CORO2B: variants seen among roughly 807,000 people sequenced by gnomAD.
The protein encoded by CORO2B is coronin-2B.
Under a neutral mutation model 58.8 loss-of-function variants are expected in CORO2B, and 26 were observed. That is an observed-to-expected ratio of 0.44 (90% CI 0.32 to 0.61). The LOEUF (loss-of-function observed/expected upper bound fraction) is 0.61, where lower values mean the gene tolerates loss of function less well. CORO2B is among the 20% of genes least tolerant of loss of function. The pLI, the probability that CORO2B is intolerant of heterozygous loss-of-function variation, is 0.04. For missense variants in CORO2B, 460 were observed against 645.1 expected, an observed-to-expected ratio of 0.71 and a Z score of 3.11; for synonymous variants, 242 against 253.8, an observed-to-expected ratio of 0.95 and a Z score of 0.44.
intron 11 of CORO2B, among the ~76,000 whole-genome samples, chr15:68,724,724 G>T (rs1305159780): frequency 6.6e-6 from 1 of 152,020 alleles, no homozygotes; most frequent in Non-Finnish European, 1.5e-5. Context: ...ATTAAATTAT[G>T]CAATTACAAT....
At chr15:68,633,012 CCAT>C (rs1268596953) in intron 1 of CORO2B, among the ~76,000 whole-genome samples, 2 of 152,238 alleles carry the variant, frequency 1.3e-5, no homozygotes, top group African/African-American at 4.8e-5. Context: ...GACCTCTTCT[CCAT>C]CTCTCTTCCC....
chr15:68,714,712 C>A lies in CORO2B; in HGVS notation c.870+49C>A. On this transcript the variant is annotated intron_variant, in intron 7 of 11. Transcript: ENST00000261861. ...CGGGGCAGCCTGTGGGAGAGCCCTA[C>A]CCTCAATGCACCCCTGCACCTGCCC... 3 of 1,393,058 alleles carry A rather than the reference C, an allele frequency of 2.2e-6. No homozygotes were observed. The African/African-American group carries it at 4.2e-5, about 20-fold the overall frequency. The allele number at this position is 1,393,058 out of a possible 1,614,324, so 86.3% of individuals were successfully genotyped here.
At chr15:68,550,517 C>T in the CORO2B span, among the ~76,000 whole-genome samples, 1 of 152,212 alleles carries the variant, frequency 6.6e-6, no homozygotes, top group Admixed American at 6.5e-5. Flanking sequence ...ACCACGATAG[C>T]ACCCATCTCT....
At chr15:68,704,029 T>TACACAC (rs1162113689) in intron 3 of CORO2B, among the ~76,000 whole-genome samples, 3 of 99,466 alleles carry the variant, frequency 3.0e-5, no homozygotes, top group African/African-American at 7.8e-5. Flanking sequence ...ACCCTTTCTC[T>TACACAC]ACACACACAT....
chr15:68,695,228 T>C lies in CORO2B; in HGVS notation c.305T>C (p.Ile102Thr), dbSNP rs748810483. The change falls in exon 3 of 12, where the codon ATC (isoleucine) becomes ACC (threonine). Residue 102 changes from isoleucine to threonine, a missense_variant. Ile to Thr is a moderately conservative substitution (Grantham distance 89). This residue lies in a region of CORO2B where 352 missense variants were observed against 543.0 expected (regional missense o/e 0.65). Transcript: ENST00000261861. ...AAATGGAACCCCTTCATCGACAACA[T>C]CATTGCCTCGTGCTCGGAGGACACG... ...DIKWNPFIDN[I>T]IASCSEDTSV... The C allele has an allele frequency of 9.4e-5, 151 of 1,613,878 alleles. No homozygotes were observed. The highest frequency in any genetic ancestry group is 1.3e-4 in the Non-Finnish European group (148 of 1,179,974).
chr15:68,554,792 C>CCAGG, the CORO2B span, among the ~76,000 whole-genome samples: 2 of 152,302 alleles, frequency 1.3e-5, no homozygotes, highest in Admixed American at 6.5e-5. Flanking sequence ...AGGGACGGAG[C>CCAGG]CAGGGCTCCT....
intron 6 of CORO2B, 149 bp downstream of exon 6, chr15:68,714,190 C>T (rs1892981082): frequency 1.8e-5 from 11 of 616,742 alleles, no homozygotes; most frequent in Admixed American, 2.9e-5. Flanking sequence ...CCCCAGAGGC[C>T]GAGCTTGGGT....
chr15:68,602,407 T>TCTCA (rs1490231961), intron 1 of CORO2B, among the ~76,000 whole-genome samples: 194 of 139,054 alleles, frequency 1.4e-3, no homozygotes, highest in African/African-American at 4.1e-3. Context: ...TAGGGGCTGA[T>TCTCA]CACACACACA....
At chr15:68,637,421 C>T (rs1160381033) in intron 1 of CORO2B, among the ~76,000 whole-genome samples, 1 of 152,208 alleles carries the variant, frequency 6.6e-6, no homozygotes. Context: ...CGCTCACGAC[C>T]CAGAATGCTT....
chr15:68,637,462 C>A (rs1595982012), intron 1 of CORO2B, among the ~76,000 whole-genome samples: 1 of 152,350 alleles, frequency 6.6e-6, no homozygotes, highest in Non-Finnish European at 1.5e-5. Flanking sequence ...ATAACGGTGT[C>A]TTTCCTTCAT....
chr15:68,617,420 C>G (rs530681457), intron 1 of CORO2B, among the ~76,000 whole-genome samples: 1 of 152,328 alleles, frequency 6.6e-6, no homozygotes, highest in Non-Finnish European at 1.5e-5. Flanking sequence ...GGACTTGGTT[C>G]TAGTCCCAGT....
rs374318945 is a variant in CORO2B at position 68,701,735 on chromosome 15, C to T, written c.333+6479C>T. Among the ~76,000 whole-genome samples the T allele has an allele frequency of 3.9e-4, 60 of 152,118 alleles. No homozygotes were observed. In the East Asian group the frequency reaches 7.8e-3, roughly 20 times the overall value. ...TCCTGACCTCGTGATCTGCCCGCCTCGGCCTCCCGAAGTGCTGGGATTACA... is the reference window on the plus strand; with the variant it reads ...TCCTGACCTCGTGATCTGCCCGCCTTGGCCTCCCGAAGTGCTGGGATTACA... On this transcript the variant is annotated intron_variant, in intron 3 of 11. Coordinates refer to ENST00000261861, the MANE Select transcript of CORO2B (RefSeq NM_006091.5).
chr15:68,571,769 A>T, the CORO2B span, among the ~76,000 whole-genome samples: 1 of 152,242 alleles, frequency 6.6e-6, no homozygotes. Context: ...GGAGTTTGAA[A>T]CATCTTTGAT....
upstream of CORO2B, chr15:68,578,947 T>G: frequency 9.6e-6 from 7 of 726,904 alleles, no homozygotes; most frequent in Non-Finnish European, 1.0e-5. The surrounding 1 kb of genome is among the most constrained non-coding windows in gnomAD (Gnocchi z 4.2). Flanking sequence ...CCGGCCCCTC[T>G]TCCTCCCCCC....
chr15:68,531,545 AAGGAAGGAAG>A, the CORO2B span, among the ~76,000 whole-genome samples: 1,094 of 133,862 alleles, frequency 8.2e-3, 19 homozygotes, highest in African/African-American at 0.029. Flanking sequence ...GGAAGGAAGG[AAGGAAGGAAG>A]GAAAGAAAGA....
chr15:68,609,954 G>A (rs1900210155), intron 1 of CORO2B, among the ~76,000 whole-genome samples: 1 of 152,116 alleles, frequency 6.6e-6, no homozygotes, highest in Admixed American at 6.5e-5. Context: ...CATCCCCAGG[G>A]GACCCTGTAA....
the CORO2B span, among the ~76,000 whole-genome samples, chr15:68,523,779 C>G: frequency 1.3e-5 from 2 of 152,180 alleles, no homozygotes; most frequent in African/African-American, 4.8e-5. Context: ...TAAACCCTAC[C>G]AGGCCCTGCA....
Position 68,631,885 on chromosome 15 carries a change from G to T in CORO2B, c.16-13275G>T, listed in dbSNP as rs150835462. 8 of 952,312 alleles carry T rather than the reference G, an allele frequency of 8.4e-6. No individual in the cohort carries two copies. In the African/African-American group the frequency reaches 1.4e-4, roughly 17 times the overall value. 59.0% of individuals were successfully genotyped at this position (952,312 alleles called of 1,614,324 possible). A position where few individuals can be genotyped will look rare whatever the true frequency, so the allele number is the denominator to read the frequency against. On this transcript the variant is annotated intron_variant, in intron 1 of 11. Transcript: ENST00000261861. ...CTGCCAGGAGGAGGTGCTCCTCGCA[G>T]TCAGTGTAAATAGGCTGCTGGAATG... is the stretch of plus-strand genomic sequence containing the variant.
intron 2 of CORO2B, among the ~76,000 whole-genome samples, chr15:68,668,605 C>T (rs761511514): frequency 2.0e-5 from 3 of 152,164 alleles, no homozygotes; most frequent in South Asian, 4.2e-4. Context: ...AGGCCCAGGG[C>T]GGGGAGCCCC....
Sources: gnomAD v4.1 joint callset for allele counts (sites outside exome capture counted in the v4.1 genomes callset) on GRCh38, gnomAD v4.1.1 for gene constraint, gnomAD v4.1.1 regional missense constraint, Gnocchi (gnomAD v3.1) non-coding constraint, MANE v1.5 for transcripts, NCBI Gene and HGNC (gene_info 2026-07-23, HGNC 2026-07-21) for gene names.